Variants in PROKR1 observed in about 807,000 individuals in gnomAD.
PROKR1 encodes prokineticin receptor 1, also known as G protein-coupled receptor 73.
A neutral mutation model predicts 22.8 loss-of-function variants in PROKR1; 21 were observed. The ratio of observed to expected loss-of-function variants is 0.92; its 90% CI spans 0.65 to 1.32. The LOEUF is 1.32. Among genes scored for constraint, PROKR1 ranks in the 40% most tolerant of loss-of-function variants. The pLI, the probability that PROKR1 is intolerant of heterozygous loss-of-function variation, is 0.00. For missense variants in PROKR1, 548 were observed against 514.2 expected (o/e 1.07, Z -0.64); for synonymous variants, 193 against 207.5 (o/e 0.93, Z 0.60).
intron 2 of PROKR1, among the ~76,000 whole-genome samples, chr2:68,649,858 A>G (rs1673273388): frequency 6.6e-6 from 1 of 152,160 alleles, no homozygotes; most frequent in South Asian, 2.1e-4. Context: ...GATGGGTTCT[A>G]CAAACAGAGG....
At chr2:68,653,791 CT>C (rs1397706837) in intron 2 of PROKR1, among the ~76,000 whole-genome samples, 3 of 152,070 alleles carry the variant, frequency 2.0e-5, no homozygotes, top group Non-Finnish European at 4.4e-5. Flanking sequence ...CTAGAAAGTG[CT>C]CTCTCTTTGT....
At position 68,650,672 on chromosome 2, in the gene PROKR1, C is replaced by T. The variant is rs528196209; in HGVS notation, c.486-4208C>T. On this transcript the variant is annotated intron_variant, in intron 2 of 2. Transcript: ENST00000303786. Reference sequence around the variant, plus strand: ...AGACATAATCACAGCTCTTGGGGGGCTGACCATCTAGAGTTGGGGGTAGGG... The same window carrying T: ...AGACATAATCACAGCTCTTGGGGGGTTGACCATCTAGAGTTGGGGGTAGGG... 1.4e-4 allele frequency among the ~76,000 whole-genome samples: 22 copies of T among 152,092 alleles called. No individual in the cohort carries two copies. The South Asian group carries it at 4.6e-3, about 32-fold the overall frequency.
In PROKR1 at chr2:68,645,876, T is replaced by C; in HGVS notation, c.55T>C (p.Phe19Leu). The part of the protein sequence containing the change: ...DDNATNTSTS[F>L]LSVLNPHGAH... Reference sequence around the variant, plus strand: ...CAATGCCACCAACACTTCCACCAGCTTCCTTTCTGTGCTCAACCCTCATGG... The same window carrying C: ...CAATGCCACCAACACTTCCACCAGCCTCCTTTCTGTGCTCAACCCTCATGG... Residue 19 changes from phenylalanine to leucine, a missense_variant, in exon 2 of 3, where the codon TTC (phenylalanine) becomes CTC (leucine). Phe to Leu is a conservative substitution (Grantham distance 22). Coordinates refer to ENST00000303786, the MANE Select transcript of PROKR1 (RefSeq NM_138964.4). 6.2e-7 allele frequency: 1 copy of C among 1,614,174 alleles called. No individual in the cohort carries two copies. The highest frequency in any genetic ancestry group is 8.5e-7 in the Non-Finnish European group (1 of 1,180,022).
chr2:68,647,017 C>T (rs1376410646), intron 2 of PROKR1, among the ~76,000 whole-genome samples: 5 of 151,970 alleles, frequency 3.3e-5, no homozygotes, highest in Non-Finnish European at 7.4e-5. Context: ...CACTGTGCTC[C>T]AGCCTGGGTG....
chr2:68,646,021 TG>T lies in PROKR1; in HGVS notation c.202del (p.Ala68ProfsTer103). ...TTTGCTGCCAAGATTGTCATTGGGATGGCCCTGGTGGGCATCATGCTGGTCT... is the reference window on the plus strand; with the variant it reads ...TTTGCTGCCAAGATTGTCATTGGGATGCCCTGGTGGGCATCATGCTGGTCT... Reference protein sequence around the residue: ...TFFAAKIVIGMALVGIMLVCG... With the variant: ...TFFAAKIVIGXALVGIMLVCG... On this transcript the variant is annotated frameshift_variant, in exon 2 of 3. Transcript: ENST00000303786. LOFTEE classifies it high-confidence loss of function. 1 of 1,614,282 alleles carries T rather than the reference TG, an allele frequency of 6.2e-7. No individual in the cohort carries two copies. Among genetic ancestry groups the T allele is most frequent in the Non-Finnish European group, 8.5e-7 (1 of 1,180,050 alleles).
Position 68,646,028 on chromosome 2 carries a change from G to C in PROKR1, c.207G>C (p.Leu69=), listed in dbSNP as rs1673167580. 6.2e-7 allele frequency: 1 copy of C among 1,614,266 alleles called. No individual in the cohort carries two copies. Among genetic ancestry groups the C allele is most frequent in the Non-Finnish European group, 8.5e-7 (1 of 1,180,060 alleles). The change falls in exon 2 of 3, where the codon CTG becomes CTC. Residue 69 remains leucine, a synonymous_variant. Coordinates refer to ENST00000303786, the MANE Select transcript of PROKR1 (RefSeq NM_138964.4). ...FAAKIVIGMA[L]VGIMLVCGIG... ...CCAAGATTGTCATTGGGATGGCCCT[G>C]GTGGGCATCATGCTGGTCTGCGGCA...
At position 68,645,773 on chromosome 2, in the gene PROKR1, T is replaced by C. The variant is rs368119935; in HGVS notation, c.-49T>C. 1 of 1,614,034 alleles carries C rather than the reference T, an allele frequency of 6.2e-7. No individual in the cohort carries two copies. Among genetic ancestry groups the C allele is most frequent in the African/African-American group, 1.3e-5 (1 of 75,028 alleles). ...AGGGGTGACATCAGCCTTGCAGACA[T>C]TGCCCTGGGGAATTCTGAGCAGTGT... On this transcript the variant is annotated 5_prime_UTR_variant, in exon 2 of 3. Coordinates refer to ENST00000303786, the MANE Select transcript of PROKR1 (RefSeq NM_138964.4).
intron 2 of PROKR1, among the ~76,000 whole-genome samples, chr2:68,652,738 C>T (rs1316959824): frequency 2.6e-5 from 4 of 152,122 alleles, no homozygotes; most frequent in African/African-American, 4.8e-5. Flanking sequence ...TCACTGGCGC[C>T]TCATAGCATC....
Position 68,645,945 on chromosome 2 carries a change from T to G in PROKR1, c.124T>G (p.Tyr42Asp), listed in dbSNP as rs748203764. Residue 42 changes from tyrosine to aspartate, a missense_variant, in exon 2 of 3, where the codon TAT (tyrosine) becomes GAT (aspartate). Tyr to Asp is a radical substitution (Grantham distance 160). Transcript: ENST00000303786. ...SFPFNFSYSD[Y>D]DMPLDEDEDV... ...CCCATTCAACTTCAGCTACAGCGAC[T>G]ATGATATGCCTTTGGATGAAGATGA... The G allele has an allele frequency of 6.2e-7, 1 of 1,614,244 alleles. No homozygotes were observed. Among genetic ancestry groups the G allele is most frequent in the East Asian group, 2.2e-5 (1 of 44,892 alleles).
intron 1 of PROKR1, 105 bp downstream of exon 1, chr2:68,643,953 G>A (rs2104176390): frequency 6.6e-6 from 1 of 152,492 alleles, no homozygotes; most frequent in East Asian, 1.9e-4. Context: ...ACTTTGCCAG[G>A]GATTCACTCC....
rs770530852 is a variant in PROKR1, at chr2:68,657,284, A to C, written c.*1708A>C. ...GGAACTACGTGTAGTGCGCCTGGACAAGAAAAACCTCTTACTTTGGCTTGT... is the reference window on the plus strand; with the variant it reads ...GGAACTACGTGTAGTGCGCCTGGACCAGAAAAACCTCTTACTTTGGCTTGT... On this transcript the variant is annotated 3_prime_UTR_variant, in exon 3 of 3. Transcript: ENST00000303786. 1 of 152,218 alleles carries C rather than the reference A, an allele frequency of 6.6e-6. No homozygotes were observed. The highest frequency in any genetic ancestry group is 1.5e-5 in the Non-Finnish European group (1 of 68,046). 9.4% of individuals were successfully genotyped at this position (152,218 alleles called of 1,614,324 possible). A position where few individuals can be genotyped will look rare whatever the true frequency, so the allele number is the denominator to read the frequency against.
chr2:68,645,775 G>A lies in PROKR1; in HGVS notation c.-47G>A. 6.2e-7 allele frequency: 1 copy of A among 1,614,042 alleles called. No individual in the cohort carries two copies. The highest frequency in any genetic ancestry group is 8.5e-7 in the Non-Finnish European group (1 of 1,180,016). ...GGGTGACATCAGCCTTGCAGACATT[G>A]CCCTGGGGAATTCTGAGCAGTGTTG... is the stretch of plus-strand genomic sequence containing the variant. On this transcript the variant is annotated 5_prime_UTR_variant, in exon 2 of 3. Coordinates refer to ENST00000303786, the MANE Select transcript of PROKR1 (RefSeq NM_138964.4).
At position 68,644,192 on chromosome 2, in the gene PROKR1, G is replaced by T. The variant is rs1050983767; in HGVS notation, c.-161+344G>T. On this transcript the variant is annotated intron_variant, in intron 1 of 2. Transcript: ENST00000303786. ...GGACAATCATCCTTAATCTCGTGAC[G>T]CCCTCCTCTCCACCCCCGAAGCTTC... Among the ~76,000 whole-genome samples the T allele has an allele frequency of 7.2e-5, 11 of 152,138 alleles. No individual in the cohort carries two copies. The South Asian group carries it at 2.3e-3, about 32-fold the overall frequency.
rs1296832072 is a variant in PROKR1 at position 68,658,009 on chromosome 2, C to T, written c.*2433C>T. 3 of 152,082 alleles carry T rather than the reference C, an allele frequency of 2.0e-5. No individual in the cohort carries two copies. Among genetic ancestry groups the T allele is most frequent in the Non-Finnish European group, 4.4e-5 (3 of 68,006 alleles). 9.4% of individuals were successfully genotyped at this position (152,082 alleles called of 1,614,324 possible). On this transcript the variant is annotated 3_prime_UTR_variant, in exon 3 of 3. Transcript: ENST00000303786. Reference sequence around the variant, plus strand: ...TTGTATTAAAAAGTTAAAAATGATACAATTTATTGTCATTATGTTCACCGC... The same window carrying T: ...TTGTATTAAAAAGTTAAAAATGATATAATTTATTGTCATTATGTTCACCGC...
chr2:68,646,112 C>G lies in PROKR1; in HGVS notation c.291C>G (p.Thr97=). 1.2e-6 allele frequency: 2 copies of G among 1,612,906 alleles called. No individual in the cohort carries two copies. Among genetic ancestry groups the G allele is most frequent in the Non-Finnish European group, 1.7e-6 (2 of 1,179,080 alleles). Residue 97 remains threonine, a synonymous_variant, in exon 2 of 3, where the codon ACC becomes ACG. Coordinates refer to ENST00000303786, the MANE Select transcript of PROKR1 (RefSeq NM_138964.4). ...LVRYKKLRNL[T]NLLIANLAIS... is the part of the protein sequence containing the mutation. ...GCTACAAGAAACTGCGCAACCTCAC[C>G]AACCTGCTCATCGCCAACCTGGCCA... is the stretch of plus-strand genomic sequence containing the variant.
At position 68,646,223 on chromosome 2, in the gene PROKR1, C is replaced by T. The variant is rs150041202; in HGVS notation, c.402C>T (p.His134=). 5.5e-5 allele frequency: 88 copies of T among 1,613,470 alleles called. No homozygotes were observed. The African/African-American group carries it at 8.3e-4, about 15-fold the overall frequency. The change falls in exon 2 of 3, where the codon CAC becomes CAT. Residue 134 remains histidine (H), a synonymous_variant. Transcript: ENST00000303786. ...VVRQLSWEHG[H]VLCTSVNYLR... ...GCCAGCTCTCCTGGGAGCACGGCCA[C>T]GTCCTGTGCACCTCTGTCAACTACC...
chr2:68,650,710 G>A (rs1031581378), intron 2 of PROKR1, among the ~76,000 whole-genome samples: 1 of 152,072 alleles, frequency 6.6e-6, no homozygotes, highest in African/African-American at 2.4e-5. Context: ...GGACCAGGGA[G>A]AACTAACACT....
intron 2 of PROKR1, among the ~76,000 whole-genome samples, chr2:68,650,886 G>A (rs1295376322): frequency 6.6e-6 from 1 of 152,170 alleles, no homozygotes; most frequent in Non-Finnish European, 1.5e-5. Context: ...GTTTTCCCAA[G>A]AGAGTGGGTA....
At position 68,655,236 on chromosome 2, in the gene PROKR1, A is replaced by C; in HGVS notation, c.842A>C (p.Lys281Thr). The C allele has an allele frequency of 6.2e-7, 1 of 1,614,254 alleles. No homozygotes were observed. The highest frequency in any genetic ancestry group is 8.5e-7 in the Non-Finnish European group (1 of 1,180,042). Residue 281 changes from lysine to threonine, a missense_variant, in exon 3 of 3, where the codon AAG becomes ACG. Physicochemically the swap from Lys to Thr is moderately conservative, Grantham distance 78. Coordinates refer to ENST00000303786, the MANE Select transcript of PROKR1 (RefSeq NM_138964.4). The stretch of plus-strand genomic sequence containing the variant: ...CGCAAGAGGCTGCGCTGCCGCAGGA[A>C]GACGGTCCTGGTGCTCATGTGCATC... The part of the protein sequence containing the change: ...QIRKRLRCRR[K>T]TVLVLMCILT...
Sources: gnomAD v4.1 joint callset for allele counts (sites outside exome capture counted in the v4.1 genomes callset) on GRCh38, gnomAD v4.1.1 for gene constraint, MANE v1.5 for transcripts, NCBI Gene and HGNC (gene_info 2026-07-23, HGNC 2026-07-21) for gene names.